The following SLC66A2 variants were observed in gnomAD, a reference collection of about 807,000 sequenced individuals.
SLC66A2 encodes the protein PQ loop repeat containing 1.
Under a neutral mutation model 25.5 loss-of-function variants are expected in SLC66A2, and 23 were observed. The ratio of observed to expected loss-of-function variants is 0.90; its 90% confidence interval spans 0.65 to 1.28. SLC66A2 has a LOEUF of 1.28. SLC66A2 is among the 50% of genes most tolerant of loss of function. The pLI is 0.00. For synonymous variants in SLC66A2, 193 were observed against 166.5 expected (o/e 1.16, Z -1.23); for missense variants, 396 against 373.1 (o/e 1.06, Z -0.51).
intron 3 of SLC66A2, among the ~76,000 whole-genome samples, chr18:79,936,509 C>T (rs1299932369): frequency 6.6e-6 from 1 of 152,298 alleles, no homozygotes; most frequent in Non-Finnish European, 1.5e-5. Flanking sequence ...CAAAAAGAAA[C>T]CCTTGACTAA....
At chr18:79,942,923 G>C (rs1002805981) in intron 3 of SLC66A2, among the ~76,000 whole-genome samples, 3 of 152,200 alleles carry the variant, frequency 2.0e-5, no homozygotes, top group African/African-American at 7.2e-5. Flanking sequence ...AGGTACCCCT[G>C]AGTCACAGCA....
At chr18:79,935,107 C>G (rs949376291) in intron 3 of SLC66A2, among the ~76,000 whole-genome samples, 1 of 142,244 alleles carries the variant, frequency 7.0e-6, no homozygotes, top group African/African-American at 2.5e-5. Context: ...ACGGGCGCCT[C>G]TTCTAAAGAC....
chr18:79,950,407 G>C (rs2051078056), intron 2 of SLC66A2, among the ~76,000 whole-genome samples: 1 of 152,126 alleles, frequency 6.6e-6, no homozygotes, highest in Admixed American at 6.5e-5. Flanking sequence ...GGCAGGAACG[G>C]CTCCTCTCCA....
chr18:79,910,407 T>C (rs568123703), intron 5 of SLC66A2, among the ~76,000 whole-genome samples: 23 of 85,218 alleles, frequency 2.7e-4, no homozygotes, highest in Non-Finnish European at 4.5e-4. Flanking sequence ...CAGGCTTCCC[T>C]ACCATCTCAC....
At position 79,918,797 on chromosome 18, in the gene SLC66A2, A is replaced by C. The variant is rs1176772011; in HGVS notation, c.608+387T>G. On this transcript the variant is annotated intron_variant, in intron 5 of 5. Coordinates refer to ENST00000397778, the MANE Select transcript of SLC66A2 (RefSeq NM_025078.5). The surrounding 1 kb of genome is among the most constrained non-coding windows in gnomAD (Gnocchi z 4.0). ...TGGGGAAAGACCGAGGACAGTGTCC[A>C]AGGCAGCCCCCAGACCACCTTCCCT... Among the ~76,000 whole-genome samples the C allele has an allele frequency of 6.6e-6, 1 of 152,164 alleles. No homozygotes were observed. The highest frequency in any genetic ancestry group is 1.5e-5 in the Non-Finnish European group (1 of 68,014).
chr18:79,949,200 A>AG (rs35952525), intron 2 of SLC66A2, among the ~76,000 whole-genome samples: 1 of 152,184 alleles, frequency 6.6e-6, no homozygotes, highest in Non-Finnish European at 1.5e-5. Context: ...ACTAACACCC[A>AG]GGGACACATG....
chr18:79,945,534 G>T (rs896129587), intron 2 of SLC66A2, among the ~76,000 whole-genome samples: 1 of 152,228 alleles, frequency 6.6e-6, no homozygotes, highest in African/African-American at 2.4e-5. Flanking sequence ...GCTTCCCGAG[G>T]AAGCCTCTGA....
In SLC66A2 at chr18:79,917,770, A is replaced by AC. The variant is rs1984392796; in HGVS notation, c.608+1413dup. Among the ~76,000 whole-genome samples the AC allele has an allele frequency of 1.3e-5, 2 of 150,396 alleles. No individual in the cohort carries two copies. The highest frequency in any genetic ancestry group is 2.1e-4 in the South Asian group (1 of 4,714). On this transcript the variant is annotated intron_variant, in intron 5 of 5. Transcript: ENST00000397778. This position sits in a 1 kb window ranked among gnomAD's most constrained non-coding sequence, Gnocchi z 6.0. ...CACCCTCGCCCGAGAAACCCCAGCAACCCCCCTGGTCTTGATTCACTGTAA... is the reference window on the plus strand; with the variant it reads ...CACCCTCGCCCGAGAAACCCCAGCAACCCCCCCTGGTCTTGATTCACTGTAA...
chr18:79,935,330 T>C (rs1986975519), intron 3 of SLC66A2: 3 of 152,260 alleles, frequency 2.0e-5, no homozygotes. Context: ...CTGAGGCTCC[T>C]TGCCTGGAAA....
At position 79,943,355 on chromosome 18, in the gene SLC66A2, A is replaced by G; in HGVS notation, c.311T>C (p.Leu104Pro). 6.2e-7 allele frequency: 1 copy of G among 1,614,154 alleles called. No individual in the cohort carries two copies. The highest frequency in any genetic ancestry group is 8.5e-7 in the Non-Finnish European group (1 of 1,180,012). The change falls in exon 3 of 6, where the codon CTC (leucine) becomes CCC (proline). Residue 104 changes from leucine (L) to proline (P), a missense_variant. By Grantham distance (98) the Leu-to-Pro change is moderately conservative. Coordinates refer to ENST00000397778, the MANE Select transcript of SLC66A2 (RefSeq NM_025078.5). ...LCTEVRVANE[L>P]NARRRSFTAA... is the part of the protein sequence containing the mutation. ...TGTAAAGGAGCGGCGCCTGGCGTTG[A>G]GCTCGTTGGCCACACGGACCTCGGT...
intron 3 of SLC66A2, chr18:79,935,582 A>G (rs2144893091): frequency 6.6e-6 from 1 of 152,370 alleles, no homozygotes; most frequent in Non-Finnish European, 1.5e-5. Flanking sequence ...TGACCACTCC[A>G]GTCCACAGAA....
rs965099222 is a variant in SLC66A2, at chr18:79,937,930, C to T, written c.338-3908G>A. Among the ~76,000 whole-genome samples the T allele has an allele frequency of 2.6e-5, 4 of 152,058 alleles. No homozygotes were observed. The highest frequency in any genetic ancestry group is 3.9e-4 in the East Asian group (2 of 5,184). On this transcript the variant is annotated intron_variant, in intron 3 of 5. Transcript: ENST00000397778. This position sits in a 1 kb window ranked among gnomAD's most constrained non-coding sequence, Gnocchi z 5.4. ...GGCACTGATGCCGCAATACAGACCA[C>T]GGGCAAAGTTGAGAGGAGCTAAGGG...
At chr18:79,916,547 C>A (rs1984186618) in intron 5 of SLC66A2, among the ~76,000 whole-genome samples, 1 of 152,236 alleles carries the variant, frequency 6.6e-6, no homozygotes, top group Non-Finnish European at 1.5e-5. Flanking sequence ...GGTCCAATCA[C>A]ATTTCAACAC....
At chr18:79,939,257 A>C (rs189782721) in intron 3 of SLC66A2, among the ~76,000 whole-genome samples, 1 of 152,300 alleles carries the variant, frequency 6.6e-6, no homozygotes, top group Non-Finnish European at 1.5e-5. Flanking sequence ...ACGTTTCCTC[A>C]TAAGTTATTT....
intron 4 of SLC66A2, among the ~76,000 whole-genome samples, chr18:79,923,770 AG>A (rs2144813250): frequency 6.6e-6 from 1 of 152,344 alleles, no homozygotes; most frequent in African/African-American, 2.4e-5. Context: ...AAACATGGCC[AG>A]GCGCAGTGGC....
Position 79,937,636 on chromosome 18 carries a change from C to G in SLC66A2, c.338-3614G>C, listed in dbSNP as rs143333617. ...GCTGACGGCCTCAGCATGAGCCCCA[C>G]AGTGGCCGCTGACCACACGCACCTC... On this transcript the variant is annotated intron_variant, in intron 3 of 5. Transcript: ENST00000397778. This position sits in a 1 kb window ranked among gnomAD's most constrained non-coding sequence, Gnocchi z 5.4. Among the ~76,000 whole-genome samples, 1 of 152,210 alleles carries G rather than the reference C, an allele frequency of 6.6e-6. No homozygotes were observed. Among genetic ancestry groups the G allele is most frequent in the Non-Finnish European group, 1.5e-5 (1 of 68,040 alleles).
chr18:79,903,442 C>T lies in SLC66A2; in HGVS notation c.*534G>A, dbSNP rs1373361362. 1.9e-5 allele frequency: 3 copies of T among 154,976 alleles called. No homozygotes were observed. In the East Asian group the frequency reaches 5.8e-4, roughly 30 times the overall value. 9.6% of individuals were successfully genotyped at this position (154,976 alleles called of 1,614,324 possible). A position where few individuals can be genotyped will look rare whatever the true frequency, so the allele number is the denominator to read the frequency against. ...GGTGACCCTGCGTCCGCACAGCCGC[C>T]TTTCCGTGTGTACCAGGCAGAGAAA... On this transcript the variant is annotated 3_prime_UTR_variant, in exon 6 of 6. Coordinates refer to ENST00000397778, the MANE Select transcript of SLC66A2 (RefSeq NM_025078.5).
intron 4 of SLC66A2, among the ~76,000 whole-genome samples, chr18:79,926,614 C>A (rs1450976255): frequency 6.6e-6 from 1 of 152,110 alleles, no homozygotes; most frequent in Non-Finnish European, 1.5e-5. Flanking sequence ...TACGGAGCCT[C>A]CTGGGCCACA....
rs944909085 is a variant in SLC66A2, at chr18:79,937,058, A to G, written c.338-3036T>C. 6.6e-6 allele frequency among the ~76,000 whole-genome samples: 1 copy of G among 152,160 alleles called. No individual in the cohort carries two copies. Among genetic ancestry groups the G allele is most frequent in the African/African-American group, 2.4e-5 (1 of 41,432 alleles). On this transcript the variant is annotated intron_variant, in intron 3 of 5. Transcript: ENST00000397778. The surrounding 1 kb of genome is among the most constrained non-coding windows in gnomAD (Gnocchi z 5.4). ...GGCCTGGAGGTTTGAAGTCAAATGG[A>G]AAGAATTGGTGTCCACTCATGAAGT...
Sources: allele counts gnomAD v4.1 joint callset (sites outside exome capture counted in the v4.1 genomes callset), GRCh38; gene constraint gnomAD v4.1.1; non-coding constraint Gnocchi (gnomAD v3.1); transcripts MANE v1.5; gene names NCBI Gene and HGNC (gene_info 2026-07-23, HGNC 2026-07-21).